Variants in TMEM45A observed in about 807,000 individuals in gnomAD.
TMEM45A encodes the protein transmembrane protein 45A.
TMEM45A carries 25 observed loss-of-function variants against 32.0 expected under a neutral mutation model. That is an observed-to-expected ratio of 0.78 (90% confidence interval 0.57 to 1.09). The LOEUF (loss-of-function observed/expected upper bound fraction) is 1.09. TMEM45A is among the 50% of genes least tolerant of loss of function. The pLI is 0.00. For missense variants in TMEM45A, 302 were observed against 325.0 expected (o/e 0.93, Z 0.54); for synonymous variants, 122 against 114.8 (o/e 1.06, Z -0.40).
chr3:100,519,617 G>A, intron 1 of TMEM45A: 1 of 1,550,740 alleles, frequency 6.4e-7, no homozygotes, highest in South Asian at 1.2e-5. Flanking sequence ...AGGTTAGTTT[G>A]GCGTTTCTGC....
At chr3:100,537,585 G>T (rs1705766018) in intron 1 of TMEM45A, among the ~76,000 whole-genome samples, 1 of 152,184 alleles carries the variant, frequency 6.6e-6, no homozygotes, top group African/African-American at 2.4e-5. Flanking sequence ...GTGTCCTCCT[G>T]AGAATTGGTT....
At chr3:100,498,833 C>A (rs754933962) in intron 1 of TMEM45A, among the ~76,000 whole-genome samples, 2 of 152,126 alleles carry the variant, frequency 1.3e-5, no homozygotes, top group African/African-American at 4.8e-5. Flanking sequence ...TATTTTACAT[C>A]CCTACAGCAG....
At chr3:100,565,378 A>G (rs1706410570) in intron 4 of TMEM45A, among the ~76,000 whole-genome samples, 1 of 152,200 alleles carries the variant, frequency 6.6e-6, no homozygotes, top group African/African-American at 2.4e-5. Flanking sequence ...TGATTAAGGC[A>G]CAAATCTTAG....
At chr3:100,515,160 A>T (rs1215399046) in intron 1 of TMEM45A, among the ~76,000 whole-genome samples, 2 of 151,840 alleles carry the variant, frequency 1.3e-5, no homozygotes, top group Non-Finnish European at 2.9e-5. Context: ...TCATGCTGCT[A>T]TAAAGACACA....
At chr3:100,521,412 C>A (rs1576267791) in intron 1 of TMEM45A, among the ~76,000 whole-genome samples, 1 of 152,076 alleles carries the variant, frequency 6.6e-6, no homozygotes, top group African/African-American at 2.4e-5. Flanking sequence ...CACCACCATG[C>A]CCGGCTAATT....
At chr3:100,554,665 C>A (rs1015565930) in intron 1 of TMEM45A, among the ~76,000 whole-genome samples, 1 of 152,106 alleles carries the variant, frequency 6.6e-6, no homozygotes, top group Non-Finnish European at 1.5e-5. Context: ...AAATTATCAA[C>A]CTAAAAGAAT....
intron 1 of TMEM45A, among the ~76,000 whole-genome samples, chr3:100,535,585 T>C (rs1484653227): frequency 3.9e-5 from 6 of 152,212 alleles, no homozygotes; most frequent in Non-Finnish European, 5.9e-5. Context: ...TTATGTCTAA[T>C]TGGCCAGCTC....
chr3:100,556,103 C>G (rs780909517), intron 2 of TMEM45A, among the ~76,000 whole-genome samples: 1 of 152,080 alleles, frequency 6.6e-6, no homozygotes, highest in Non-Finnish European at 1.5e-5. Flanking sequence ...TGCCTCAGCT[C>G]CCAAGTAGCT....
intron 1 of TMEM45A, among the ~76,000 whole-genome samples, chr3:100,546,346 G>T (rs1705979930): frequency 6.6e-6 from 1 of 152,220 alleles, no homozygotes. Flanking sequence ...TTTTGTAGTA[G>T]TTTGTTACAG....
chr3:100,529,725 A>T (rs11715623), intron 1 of TMEM45A, among the ~76,000 whole-genome samples: 31,308 of 152,038 alleles, frequency 0.21, 4,066 homozygotes, highest in Non-Finnish European at 0.29. Context: ...GGCTCAAGAG[A>T]TTCTCCCACC....
intron 1 of TMEM45A, among the ~76,000 whole-genome samples, 175 bp from the exon 2 acceptor site, chr3:100,555,034 A>G (rs1212573557): frequency 6.6e-6 from 1 of 152,204 alleles, no homozygotes; most frequent in Non-Finnish European, 1.5e-5. Context: ...TATTGGTATT[A>G]TGATATTGTA....
intron 5 of TMEM45A, chr3:100,572,491 T>C (rs1426780266): frequency 6.6e-6 from 1 of 151,384 alleles, no homozygotes. Flanking sequence ...TTGTAGATTC[T>C]GGATACTAGC....
intron 1 of TMEM45A, among the ~76,000 whole-genome samples, chr3:100,502,377 G>C (rs561174850): frequency 6.6e-6 from 1 of 152,056 alleles, no homozygotes; most frequent in Non-Finnish European, 1.5e-5. Flanking sequence ...AATGTTAAAG[G>C]CAGATTAAAA....
In TMEM45A at chr3:100,560,864, T is replaced by C. The variant is rs574503322; in HGVS notation, c.588+2275T>C. ...AGGATCTGAAGGAGGAAGCTGTGGG[T>C]TATACCTCAACTGGGAATAGGTTGG... On this transcript the variant is annotated intron_variant, in intron 4 of 5. Transcript: ENST00000323523. 2.0e-5 allele frequency among the ~76,000 whole-genome samples: 3 copies of C among 152,350 alleles called. No individual in the cohort carries two copies. The South Asian group carries it at 6.2e-4, about 32-fold the overall frequency.
chr3:100,533,316 C>T (rs577792572), intron 1 of TMEM45A, among the ~76,000 whole-genome samples: 10 of 152,158 alleles, frequency 6.6e-5, no homozygotes, highest in East Asian at 1.9e-4. Flanking sequence ...GATCAGATAC[C>T]GTGCATATTT....
chr3:100,522,872 TG>T (rs1191465378), intron 1 of TMEM45A, among the ~76,000 whole-genome samples: 2 of 152,106 alleles, frequency 1.3e-5, no homozygotes, highest in East Asian at 3.8e-4. Flanking sequence ...TCCTAGAGGG[TG>T]GATGTACTTT....
chr3:100,513,861 T>G lies in TMEM45A; in HGVS notation c.-4+20933T>G, dbSNP rs1330334332. ...ACAAACAGAGAGCCAAATCATGAAT[T>G]AACTCCCATTCACAATTGCTTCAAA... is the stretch of plus-strand genomic sequence containing the variant. On this transcript the variant is annotated intron_variant, in intron 1 of 5. Coordinates refer to ENST00000323523, the MANE Select transcript of TMEM45A (RefSeq NM_018004.3). Among the ~76,000 whole-genome samples the G allele has an allele frequency of 4.0e-3, 609 of 151,140 alleles. 2 individuals are homozygous for G. The highest frequency in any genetic ancestry group is 0.014 in the African/African-American group (573 of 40,490).
chr3:100,500,108 TCCC>T (rs1458375352), intron 1 of TMEM45A, among the ~76,000 whole-genome samples: 1 of 152,164 alleles, frequency 6.6e-6, no homozygotes, highest in Non-Finnish European at 1.5e-5. Flanking sequence ...TCCACTACTC[TCCC>T]CACAATTAAA....
At chr3:100,533,696 C>T (rs189213131) in intron 1 of TMEM45A, among the ~76,000 whole-genome samples, 1 of 152,198 alleles carries the variant, frequency 6.6e-6, no homozygotes, top group Admixed American at 6.5e-5. Context: ...GAAGAAGACA[C>T]CCCTCTGGAG....
Sources: gnomAD v4.1 joint callset for allele counts (sites outside exome capture counted in the v4.1 genomes callset) on GRCh38, gnomAD v4.1.1 for gene constraint, MANE v1.5 for transcripts, NCBI Gene and HGNC (gene_info 2026-07-23, HGNC 2026-07-21) for gene names.